ZBTB16: variants seen among roughly 807,000 people sequenced by gnomAD.
ZBTB16 encodes zinc finger and BTB domain-containing protein 16.
In ZBTB16, 8 loss-of-function variants were observed where a neutral mutation model predicts 56.8. The ratio of observed to expected loss-of-function variants is 0.14; its 90% CI spans 0.08 to 0.25. The LOEUF is 0.25. Among genes scored for constraint, ZBTB16 ranks in the 10% least tolerant of loss-of-function variants. The probability of loss-of-function intolerance (pLI) is 1.00; values close to 1 mark genes in which losing one functional copy is unlikely to be tolerated. For missense variants in ZBTB16, 625 were observed against 903.0 expected (o/e 0.69, Z 3.95); for synonymous variants, 363 against 368.5 (o/e 0.98, Z 0.17).
intron 4 of ZBTB16, among the ~76,000 whole-genome samples, chr11:114,207,560 ATG>A (rs990270605): frequency 1.3e-5 from 2 of 149,724 alleles, no homozygotes; most frequent in African/African-American, 5.0e-5. Flanking sequence ...CCACACTCTC[ATG>A]TGTCTTGTTT....
At chr11:114,172,962 G>C (rs1247564849) in intron 3 of ZBTB16, among the ~76,000 whole-genome samples, 1 of 152,224 alleles carries the variant, frequency 6.6e-6, no homozygotes, top group African/African-American at 2.4e-5. Flanking sequence ...GCATCTTAAG[G>C]CTGCTGAATT....
At chr11:114,215,819 T>C (rs781730029) in intron 4 of ZBTB16, among the ~76,000 whole-genome samples, 1 of 152,204 alleles carries the variant, frequency 6.6e-6, no homozygotes, top group Non-Finnish European at 1.5e-5. Flanking sequence ...TACAGGTAGA[T>C]GTTGGGTACA....
At chr11:114,211,762 G>A (rs1244871833) in intron 4 of ZBTB16, among the ~76,000 whole-genome samples, 1 of 152,180 alleles carries the variant, frequency 6.6e-6, no homozygotes, top group Admixed American at 6.5e-5. Flanking sequence ...ATACCAGGAA[G>A]GCCAGCTTGC....
At chr11:114,146,309 T>C (rs1297287932) in intron 2 of ZBTB16, among the ~76,000 whole-genome samples, 7 of 152,024 alleles carry the variant, frequency 4.6e-5, no homozygotes, top group Admixed American at 6.6e-5. Flanking sequence ...TAGCTGCTGG[T>C]TTTCCTGCCC....
At chr11:114,240,047 C>T (rs569109743) in intron 4 of ZBTB16, among the ~76,000 whole-genome samples, 10 of 152,316 alleles carry the variant, frequency 6.6e-5, no homozygotes, top group African/African-American at 1.7e-4. Context: ...CGCCTAGATT[C>T]GCTCCCCTTC....
At position 114,060,000 on chromosome 11, in the gene ZBTB16, G is replaced by A. The variant is rs1228298202; in HGVS notation, c.-91+118G>A. 5.1e-6 allele frequency: 2 copies of A among 391,004 alleles called. No homozygotes were observed. Among genetic ancestry groups the A allele is most frequent in the Non-Finnish European group, 9.0e-6 (2 of 221,724 alleles). The allele number at this position is 391,004 out of a possible 1,614,324, so 24.2% of individuals were successfully genotyped here. A position where few individuals can be genotyped will look rare whatever the true frequency, so the allele number is the denominator to read the frequency against. The stretch of plus-strand genomic sequence containing the variant: ...CTTCGGCCACTCGGCCGCTGGGCTT[G>A]TGCCTTTTTTATTTGGCGTGTTCCC... On this transcript the variant is annotated intron_variant, in intron 1 of 6. Transcript: ENST00000335953. This position sits in a 1 kb window ranked among gnomAD's most constrained non-coding sequence, Gnocchi z 5.3.
At position 114,230,119 on chromosome 11, in the gene ZBTB16, G is replaced by C. The variant is rs549782294; in HGVS notation, c.1454-12048G>C. On this transcript the variant is annotated intron_variant, in intron 4 of 6. Transcript: ENST00000335953. ...GTGTCCTCTTTCTACTCCCTGGCTGGTTCTGGGTCTGACGTAGAGCTCCTG... is the reference window on the plus strand; with the variant it reads ...GTGTCCTCTTTCTACTCCCTGGCTGCTTCTGGGTCTGACGTAGAGCTCCTG... Among the ~76,000 whole-genome samples, 3 of 152,206 alleles carry C rather than the reference G, an allele frequency of 2.0e-5. No homozygotes were observed. The East Asian group carries it at 5.8e-4, about 29-fold the overall frequency.
chr11:114,174,706 G>A (rs1480508460), intron 3 of ZBTB16, among the ~76,000 whole-genome samples: 1 of 152,242 alleles, frequency 6.6e-6, no homozygotes, highest in East Asian at 1.9e-4. Flanking sequence ...TCACAAATGT[G>A]ATAATCATTG....
At chr11:114,161,689 A>G (rs1942593937) in intron 3 of ZBTB16, among the ~76,000 whole-genome samples, 1 of 152,174 alleles carries the variant, frequency 6.6e-6, no homozygotes, top group African/African-American at 2.4e-5. Context: ...GAAGAGATGG[A>G]CGAGATACAT....
intron 2 of ZBTB16, among the ~76,000 whole-genome samples, chr11:114,109,026 G>A (rs1158180660): frequency 6.6e-6 from 1 of 152,312 alleles, no homozygotes; most frequent in East Asian, 1.9e-4. Flanking sequence ...GTGGGGACGG[G>A]GCTGATCTGT....
intron 2 of ZBTB16, among the ~76,000 whole-genome samples, chr11:114,123,335 G>C (rs1424058407): frequency 6.6e-6 from 1 of 152,178 alleles, no homozygotes; most frequent in Non-Finnish European, 1.5e-5. Flanking sequence ...AAGGAGACCA[G>C]TGCAGATGAA....
chr11:114,198,742 G>A (rs1326405543), intron 4 of ZBTB16, among the ~76,000 whole-genome samples: 2 of 152,120 alleles, frequency 1.3e-5, no homozygotes, highest in African/African-American at 2.4e-5. Context: ...GTGAGTCTAC[G>A]CTGGCACATC....
In ZBTB16 at chr11:114,063,450, G is replaced by T; in HGVS notation, c.150G>T (p.Thr50=). Reference sequence around the variant, plus strand: ...GCCAGGAGTTCCACGCCCACCGGACGGTGCTGGCCTGCACCAGCAAGATGT... The same window carrying T: ...GCCAGGAGTTCCACGCCCACCGGACTGTGCTGGCCTGCACCAGCAAGATGT... ...VDSQEFHAHR[T]VLACTSKMFE... The change falls in exon 2 of 7, where the codon ACG becomes ACT. Residue 50 remains threonine, a synonymous_variant. Coordinates refer to ENST00000335953, the MANE Select transcript of ZBTB16 (RefSeq NM_006006.6). This position sits in a 1 kb window ranked among gnomAD's most constrained non-coding sequence, Gnocchi z 6.5. 1 of 1,614,202 alleles carries T rather than the reference G, an allele frequency of 6.2e-7. No individual in the cohort carries two copies. The highest frequency in any genetic ancestry group is 8.5e-7 in the Non-Finnish European group (1 of 1,180,054).
intron 4 of ZBTB16, among the ~76,000 whole-genome samples, chr11:114,223,550 ATTTG>A (rs1324458750): frequency 1.1e-4 from 16 of 152,298 alleles, no homozygotes; most frequent in African/African-American, 3.4e-4. Flanking sequence ...TAATGTATTT[ATTTG>A]TTTATTAATT....
chr11:114,199,423 C>T lies in ZBTB16; in HGVS notation c.1453+12385C>T, dbSNP rs144396811. On this transcript the variant is annotated intron_variant, in intron 4 of 6. Transcript: ENST00000335953. The stretch of plus-strand genomic sequence containing the variant: ...GATGCTGGACATGGATGCTGGGCCC[C>T]GGGATGGGGATGCCAGCCATGGATG... Among the ~76,000 whole-genome samples the T allele has an allele frequency of 8.1e-3, 1,228 of 151,824 alleles. 5 individuals carry two copies. Among genetic ancestry groups the T allele is most frequent in the Middle Eastern group, 0.024 (7 of 294 alleles).
At chr11:114,123,500 C>CAT (rs1199683063) in intron 2 of ZBTB16, among the ~76,000 whole-genome samples, 2 of 151,802 alleles carry the variant, frequency 1.3e-5, no homozygotes, top group Admixed American at 1.3e-4. Flanking sequence ...TATGTACAGG[C>CAT]ATATATATAC....
chr11:114,070,374 C>T (rs1362753566), intron 2 of ZBTB16, among the ~76,000 whole-genome samples: 1 of 152,086 alleles, frequency 6.6e-6, no homozygotes, highest in East Asian at 1.9e-4. Context: ...TCCCAAAGTG[C>T]TGGGATTACA....
rs538950512 is a variant in ZBTB16, at chr11:114,143,253, A to C, written c.1269-13084A>C. 2.0e-5 allele frequency among the ~76,000 whole-genome samples: 3 copies of C among 152,192 alleles called. No individual in the cohort carries two copies. Among genetic ancestry groups the C allele is most frequent in the Admixed American group, 2.0e-4 (3 of 15,272 alleles). ...GCCAAGATGCATCCACCCCTCATCC[A>C]TCCACTAATGCTGTGCCCTTTGCAA... On this transcript the variant is annotated intron_variant, in intron 2 of 6. Transcript: ENST00000335953. The surrounding 1 kb of genome is among the most constrained non-coding windows in gnomAD (Gnocchi z 6.4).
At chr11:114,233,772 G>A (rs771737329) in intron 4 of ZBTB16, among the ~76,000 whole-genome samples, 21 of 151,930 alleles carry the variant, frequency 1.4e-4, no homozygotes, top group Non-Finnish European at 2.6e-4. Context: ...CCCATGTCCA[G>A]GGCGCACCTT....
Sources: gnomAD v4.1 joint callset for allele counts (sites outside exome capture counted in the v4.1 genomes callset) on GRCh38, gnomAD v4.1.1 for gene constraint, Gnocchi (gnomAD v3.1) non-coding constraint, MANE v1.5 for transcripts, NCBI Gene and HGNC (gene_info 2026-07-23, HGNC 2026-07-21) for gene names.